NLRP14: variants seen among roughly 807,000 people sequenced by gnomAD.
NLRP14 encodes the protein NLR family pyrin domain containing 14, also known as NACHT, LRR and PYD domains-containing protein 14.
In NLRP14, 105 loss-of-function variants were observed where a neutral mutation model predicts 94.7. The observed-to-expected ratio is 1.11, with a 90% CI of 0.95 to 1.30. NLRP14 has a LOEUF of 1.30. NLRP14 is among the 50% of genes most tolerant of loss of function. The pLI is 0.00. For missense variants in NLRP14, 1,362 were observed against 1,254.1 expected (o/e 1.09, Z -1.30); for synonymous variants, 508 against 459.9 (o/e 1.10, Z -1.34).
rs761153900 is a variant in NLRP14, at chr11:7,062,317, A to G, written c.2805-16A>G. 1.0e-5 allele frequency: 16 copies of G among 1,607,156 alleles called. No homozygotes were observed. Among genetic ancestry groups the G allele is most frequent in the East Asian group, 2.2e-5 (1 of 44,836 alleles). The stretch of plus-strand genomic sequence containing the variant: ...CACAATGGAAGGATTCACTTTTCCT[A>G]TTGTAATTCTTACAGATTGATGGGC... On this transcript the variant is annotated splice_polypyrimidine_tract_variant and intron_variant, in intron 9 of 11. Transcript: ENST00000299481.
At chr11:7,046,625 T>A (rs1033121965) in intron 4 of NLRP14, 43 bp from the exon 5 acceptor site, 27 of 1,580,400 alleles carry the variant, frequency 1.7e-5, no homozygotes, top group Non-Finnish European at 2.3e-5. Flanking sequence ...TAGGCTGAAA[T>A]AAAATCAGCA....
chr11:7,057,831 T>A lies in NLRP14; in HGVS notation c.2446T>A (p.Tyr816Asn). ...TGAGGCCTTAAGACATCCAAAGTGT[T>A]ATCTAGAGAGACTGTCGTGAGTGTT... ...LCEALRHPKC[Y>N]LERLSLESCG... The change falls in exon 7 of 12, where the codon TAT becomes AAT. Residue 816 changes from tyrosine (Y) to asparagine (N), a missense_variant. Tyr to Asn is a moderately radical substitution (Grantham distance 143). Transcript: ENST00000299481. 6.2e-7 allele frequency: 1 copy of A among 1,612,168 alleles called. No homozygotes were observed. Among genetic ancestry groups the A allele is most frequent in the Non-Finnish European group, 8.5e-7 (1 of 1,178,354 alleles).
At chr11:7,088,062 A>G in the NLRP14 span, among the ~76,000 whole-genome samples, 1 of 152,218 alleles carries the variant, frequency 6.6e-6, no homozygotes, top group African/African-American at 2.4e-5. Context: ...GTGTTTGGCA[A>G]TTCTATCAAA....
the NLRP14 span, chr11:7,089,011 A>AGG: frequency 7.7e-7 from 1 of 1,303,750 alleles, no homozygotes; most frequent in East Asian, 2.5e-5. Flanking sequence ...CTCGGCGACT[A>AGG]GGCGCCGCCT....
chr11:7,089,398 G>A, the NLRP14 span: 1 of 1,592,202 alleles, frequency 6.3e-7, no homozygotes, highest in Non-Finnish European at 8.5e-7. Context: ...GAGAGCAGCC[G>A]GCGGGGCCCG....
At chr11:7,022,651 G>A (rs1421656159) in intron 1 of NLRP14, among the ~76,000 whole-genome samples, 1 of 152,192 alleles carries the variant, frequency 6.6e-6, no homozygotes, top group South Asian at 2.1e-4. Context: ...AGCTGTTGAA[G>A]TGCACAGAAA....
At chr11:7,055,810 A>G (rs1045119696) in intron 6 of NLRP14, among the ~76,000 whole-genome samples, 1 of 152,138 alleles carries the variant, frequency 6.6e-6, no homozygotes, top group African/African-American at 2.4e-5. Flanking sequence ...GATAGCAAGC[A>G]GTAAGGACAA....
chr11:7,029,792 T>G (rs1442502719), intron 1 of NLRP14, among the ~76,000 whole-genome samples: 1 of 152,202 alleles, frequency 6.6e-6, no homozygotes, highest in Admixed American at 6.5e-5. Context: ...AGTTTACCTT[T>G]TCTCTCACCC....
intron 2 of NLRP14, 108 bp downstream of exon 2, chr11:7,038,983 G>A: frequency 9.6e-7 from 1 of 1,042,838 alleles, no homozygotes; most frequent in Non-Finnish European, 1.4e-6. Context: ...CATGTTGGGG[G>A]ACATAAGCTC....
At chr11:7,076,843 G>A in the NLRP14 span, among the ~76,000 whole-genome samples, 1 of 151,996 alleles carries the variant, frequency 6.6e-6, no homozygotes, top group Admixed American at 6.5e-5. Flanking sequence ...TGCACATGTG[G>A]GCTATGATTC....
chr11:7,085,527 G>C, the NLRP14 span, among the ~76,000 whole-genome samples: 1 of 152,060 alleles, frequency 6.6e-6, no homozygotes, highest in Non-Finnish European at 1.5e-5. Flanking sequence ...TGTCCTTAAG[G>C]TTCATCCATG....
chr11:7,023,839 G>A (rs1359121259), intron 1 of NLRP14, among the ~76,000 whole-genome samples: 1 of 151,894 alleles, frequency 6.6e-6, no homozygotes, highest in Non-Finnish European at 1.5e-5. Flanking sequence ...AGCGAGAGAG[G>A]GAGAGTAGGG....
chr11:7,038,873 A>C lies in NLRP14; in HGVS notation c.287A>C (p.Asn96Thr). 6.2e-7 allele frequency: 1 copy of C among 1,613,214 alleles called. No homozygotes were observed. Reference sequence around the variant, plus strand: ...TGTGAGAGAGCGAAAGAAGAGATCAACTGTGAGTGATGCTAGGGGCAAATC... The same window carrying C: ...TGTGAGAGAGCGAAAGAAGAGATCACCTGTGAGTGATGCTAGGGGCAAATC... Reference protein sequence around the residue: ...DLCERAKEEINWSAQTIGPDD... With the variant: ...DLCERAKEEITWSAQTIGPDD... Residue 96 changes from asparagine (N) to threonine (T), a missense_variant and splice_region_variant, in exon 2 of 12, where the codon AAC becomes ACC. Coordinates refer to ENST00000299481, the MANE Select transcript of NLRP14 (RefSeq NM_176822.4).
At chr11:7,083,227 G>A in the NLRP14 span, among the ~76,000 whole-genome samples, 1 of 152,190 alleles carries the variant, frequency 6.6e-6, no homozygotes, top group African/African-American at 2.4e-5. Flanking sequence ...CATTTGCAAA[G>A]GCATGTAAGC....
the NLRP14 span, among the ~76,000 whole-genome samples, chr11:7,085,290 T>G: frequency 6.6e-6 from 1 of 152,236 alleles, no homozygotes; most frequent in African/African-American, 2.4e-5. Flanking sequence ...TTAGCCAGTT[T>G]AGTAGTGTTA....
intron 2 of NLRP14, 134 bp from the exon 3 acceptor site, chr11:7,039,580 G>C: frequency 1.3e-6 from 1 of 776,972 alleles, no homozygotes; most frequent in Non-Finnish European, 2.3e-6. Flanking sequence ...TGAGGCTCTG[G>C]CAGCTCTAGT....
rs1422784772 is a variant in NLRP14 at position 7,046,844 on chromosome 11, A to G, written c.2123+12A>G. ...CTACAAAAGCTACTGTAAGTCTGGT[A>G]TGAGAAAATTTAATGGAGTTATTCT... On this transcript the variant is annotated intron_variant, in intron 5 of 11. Coordinates refer to ENST00000299481, the MANE Select transcript of NLRP14 (RefSeq NM_176822.4). The G allele has an allele frequency of 5.0e-6, 8 of 1,601,648 alleles. No homozygotes were observed. The highest frequency in any genetic ancestry group is 6.8e-6 in the Non-Finnish European group (8 of 1,168,936).
chr11:7,055,808 G>T (rs1192843501), intron 6 of NLRP14, among the ~76,000 whole-genome samples: 1 of 152,096 alleles, frequency 6.6e-6, no homozygotes, highest in Non-Finnish European at 1.5e-5. Flanking sequence ...CAGATAGCAA[G>T]CAGTAAGGAC....
At chr11:7,047,448 C>A (rs538409931) in intron 5 of NLRP14, among the ~76,000 whole-genome samples, 1 of 152,126 alleles carries the variant, frequency 6.6e-6, no homozygotes, top group South Asian at 2.1e-4. Context: ...GGATTACAGG[C>A]ATGTACCACC....
Sources: allele counts gnomAD v4.1 joint callset (sites outside exome capture counted in the v4.1 genomes callset), GRCh38; gene constraint gnomAD v4.1.1; transcripts MANE v1.5; gene names NCBI Gene and HGNC (gene_info 2026-07-23, HGNC 2026-07-21).